Variants in MAP3K7 observed in about 807,000 individuals in gnomAD.
MAP3K7 encodes mitogen-activated protein kinase kinase kinase 7.
In MAP3K7, 21 loss-of-function variants were observed where a neutral mutation model predicts 84.8. The ratio of observed to expected loss-of-function variants is 0.25; its 90% CI spans 0.18 to 0.36. The LOEUF (loss-of-function observed/expected upper bound fraction) is 0.36. Among genes scored for constraint, MAP3K7 ranks in the 10% least tolerant of loss-of-function variants. The pLI is 1.00. For missense variants in MAP3K7, 503 were observed against 747.7 expected (o/e 0.67, Z 3.82); for synonymous variants, 241 against 247.7 (o/e 0.97, Z 0.25).
At chr6:90,530,626 A>G (rs956528684) in intron 13 of MAP3K7, among the ~76,000 whole-genome samples, 1 of 152,194 alleles carries the variant, frequency 6.6e-6, no homozygotes, top group East Asian at 1.9e-4. Context: ...ATTAACTAAT[A>G]AATAAATCTT....
intron 3 of MAP3K7, among the ~76,000 whole-genome samples, chr6:90,566,576 T>G (rs10944490): frequency 0.038 from 5,710 of 152,232 alleles, 132 homozygotes; most frequent in African/African-American, 0.058. Context: ...CACAAATAAA[T>G]GGAAGAACAT....
At chr6:90,530,368 T>C (rs1258526481) in intron 13 of MAP3K7, among the ~76,000 whole-genome samples, 1 of 152,190 alleles carries the variant, frequency 6.6e-6, no homozygotes, top group Admixed American at 6.5e-5. Flanking sequence ...TCTGCAATAT[T>C]AAAACAAATA....
At chr6:90,558,464 G>A (rs2127977692) in intron 5 of MAP3K7, among the ~76,000 whole-genome samples, 1 of 152,190 alleles carries the variant, frequency 6.6e-6, no homozygotes, top group South Asian at 2.1e-4. Context: ...AATCAATTCT[G>A]ATTCTAAAGT....
At chr6:90,518,168 C>T (rs1262980150) in intron 16 of MAP3K7, among the ~76,000 whole-genome samples, 12 of 151,580 alleles carry the variant, frequency 7.9e-5, no homozygotes, top group Admixed American at 6.6e-4. Flanking sequence ...TATCTATTTA[C>T]AAGAAAACAA....
At chr6:90,526,190 AC>A (rs1775315498) in intron 13 of MAP3K7, among the ~76,000 whole-genome samples, 2 of 152,214 alleles carry the variant, frequency 1.3e-5, no homozygotes, top group East Asian at 3.9e-4. Flanking sequence ...ATAAAAGGAG[AC>A]CAAAAAAACA....
chr6:90,554,048 G>A (rs1776260346), intron 6 of MAP3K7, among the ~76,000 whole-genome samples: 1 of 152,126 alleles, frequency 6.6e-6, no homozygotes, highest in Non-Finnish European at 1.5e-5. Context: ...TGGGGCTACA[G>A]GCATGCGCTG....
intron 13 of MAP3K7, among the ~76,000 whole-genome samples, chr6:90,531,411 T>C (rs867072216): frequency 6.6e-6 from 1 of 152,202 alleles, no homozygotes; most frequent in Admixed American, 6.5e-5. Context: ...ATGATATTCT[T>C]GCTAAAGTAA....
At position 90,571,792 on chromosome 6, in the gene MAP3K7, C is replaced by T; in HGVS notation, c.136G>A (p.Ala46Thr). Reference sequence around the variant, plus strand: ...TTAGCTTTGCAAACAACTCCAAAGGCTCCTCTTCCAACAACCTGAGTTAAA... The same window carrying T: ...TTAGCTTTGCAAACAACTCCAAAGGTTCCTCTTCCAACAACCTGAGTTAAA... ...IEVEEVVGRG[A>T]FGVVCKAKWR... Residue 46 changes from alanine to threonine, a missense_variant, in exon 2 of 17, where the codon GCC becomes ACC. Coordinates refer to ENST00000369329, the MANE Select transcript of MAP3K7 (RefSeq NM_145331.3). The T allele has an allele frequency of 6.3e-7, 1 of 1,595,340 alleles. No individual in the cohort carries two copies. The highest frequency in any genetic ancestry group is 8.5e-7 in the Non-Finnish European group (1 of 1,171,334).
At chr6:90,586,523 G>A (rs1166396320) in intron 1 of MAP3K7, among the ~76,000 whole-genome samples, 10 of 152,122 alleles carry the variant, frequency 6.6e-5, no homozygotes, top group African/African-American at 2.4e-4. Context: ...GTTTATCACC[G>A]GAATATCAAA....
rs556495348 is a variant in MAP3K7, at chr6:90,567,061, T to C, written c.297+1497A>G. 1.1e-4 allele frequency among the ~76,000 whole-genome samples: 17 copies of C among 152,240 alleles called. No individual in the cohort carries two copies. In the East Asian group the frequency reaches 1.2e-3, roughly 10 times the overall value. On this transcript the variant is annotated intron_variant, in intron 3 of 16. Transcript: ENST00000369329. ...TCCTTATACCTTATACAAAAATTAA[T>C]TCAAGATGGATTAAAGACTTAAATG...
At chr6:90,551,707 C>A in intron 8 of MAP3K7, 1 of 175,712 alleles carries the variant, frequency 5.7e-6, no homozygotes, top group Admixed American at 5.9e-5. Context: ...TTAATATATC[C>A]AAGTCCTGTG....
chr6:90,540,938 G>A (rs893024094), intron 12 of MAP3K7, among the ~76,000 whole-genome samples: 2 of 151,824 alleles, frequency 1.3e-5, no homozygotes, highest in East Asian at 3.9e-4. Flanking sequence ...GTCTTACATA[G>A]TTTCACAATC....
At chr6:90,572,047 T>C (rs1017580476) in intron 1 of MAP3K7, among the ~76,000 whole-genome samples, 1 of 151,932 alleles carries the variant, frequency 6.6e-6, no homozygotes, top group African/African-American at 2.4e-5. Flanking sequence ...CTGTACACCC[T>C]TTCATTCTCA....
At position 90,552,044 on chromosome 6, in the gene MAP3K7, T is replaced by G; in HGVS notation, c.867+5A>C. On this transcript the variant is annotated splice_donor_5th_base_variant and intron_variant, in intron 8 of 16. Coordinates refer to ENST00000369329, the MANE Select transcript of MAP3K7 (RefSeq NM_145331.3). ...ATCCAAAGCCCCTCAAAAGAAGGAT[T>G]ATACCCGCATCAAGTGAGTCATTAT... is the stretch of plus-strand genomic sequence containing the variant. 6.2e-7 allele frequency: 1 copy of G among 1,607,188 alleles called. No individual in the cohort carries two copies. The highest frequency in any genetic ancestry group is 8.5e-7 in the Non-Finnish European group (1 of 1,174,632).
chr6:90,546,484 T>G (rs1439599581), intron 11 of MAP3K7, among the ~76,000 whole-genome samples: 3 of 152,112 alleles, frequency 2.0e-5, no homozygotes. Context: ...ATTTCCACAT[T>G]TTCCACAACA....
intron 12 of MAP3K7, among the ~76,000 whole-genome samples, chr6:90,540,453 A>G (rs1167414268): frequency 2.0e-5 from 3 of 151,872 alleles, no homozygotes; most frequent in Non-Finnish European, 4.4e-5. Context: ...AAATGTCTGT[A>G]ATTTAGAAAA....
intron 13 of MAP3K7, among the ~76,000 whole-genome samples, chr6:90,535,127 A>G (rs1046068339): frequency 6.6e-6 from 1 of 152,120 alleles, no homozygotes; most frequent in Non-Finnish European, 1.5e-5. Context: ...TGTGTTTATA[A>G]GCATTTTGTG....
chr6:90,523,220 G>A (rs1250116867), intron 14 of MAP3K7, among the ~76,000 whole-genome samples: 2 of 151,964 alleles, frequency 1.3e-5, no homozygotes, highest in Non-Finnish European at 2.9e-5. Context: ...AATTCAAAAG[G>A]TCAATGGTCA....
chr6:90,528,830 G>C (rs1300105531), intron 13 of MAP3K7, among the ~76,000 whole-genome samples: 3 of 152,134 alleles, frequency 2.0e-5, no homozygotes, highest in Non-Finnish European at 2.9e-5. Context: ...TAACTTTGAA[G>C]AAAAACTGAT....
Sources: gnomAD v4.1 joint callset for allele counts (sites outside exome capture counted in the v4.1 genomes callset) on GRCh38, gnomAD v4.1.1 for gene constraint, MANE v1.5 for transcripts, NCBI Gene and HGNC (gene_info 2026-07-23, HGNC 2026-07-21) for gene names.